NKAIN3: variants seen among roughly 807,000 people sequenced by gnomAD.
NKAIN3 encodes sodium/potassium transporting ATPase interacting 3, also known as sodium/potassium-transporting ATPase subunit beta-1-interacting protein 3.
A neutral mutation model predicts 30.2 loss-of-function variants in NKAIN3; 25 were observed. The ratio of observed to expected loss-of-function variants is 0.83; its 90% CI spans 0.60 to 1.16. The LOEUF is 1.16. NKAIN3 is among the 50% of genes most tolerant of loss of function. The pLI is 0.00. For synonymous variants in NKAIN3, 91 were observed against 89.6 expected (o/e 1.02, Z -0.09); for missense variants, 225 against 254.1 (o/e 0.89, Z 0.78).
chr8:62,578,125 T>C (rs1810174453), intron 1 of NKAIN3, among the ~76,000 whole-genome samples: 1 of 152,160 alleles, frequency 6.6e-6, no homozygotes. Context: ...AATACAAAAC[T>C]AGAAAAATGC....
At chr8:62,801,751 G>A (rs1482077259) in intron 4 of NKAIN3, among the ~76,000 whole-genome samples, 4 of 152,210 alleles carry the variant, frequency 2.6e-5, no homozygotes, top group Non-Finnish European at 5.9e-5. Flanking sequence ...CACCAGCAAT[G>A]GAACAAAGCT....
intron 3 of NKAIN3, among the ~76,000 whole-genome samples, chr8:62,742,429 C>A (rs1318746943): frequency 6.6e-6 from 1 of 152,028 alleles, no homozygotes; most frequent in Non-Finnish European, 1.5e-5. Context: ...TGCTTTTAGG[C>A]AAATAGGAAA....
chr8:62,620,416 A>G (rs1388166236), intron 3 of NKAIN3, among the ~76,000 whole-genome samples: 2 of 151,994 alleles, frequency 1.3e-5, no homozygotes, highest in Non-Finnish European at 1.5e-5. Context: ...CCAATATGCC[A>G]TATGCCATAT....
intron 4 of NKAIN3, among the ~76,000 whole-genome samples, chr8:62,883,616 AAT>A (rs1161905726): frequency 3.3e-5 from 5 of 151,896 alleles, no homozygotes; most frequent in Non-Finnish European, 7.4e-5. Context: ...TGGTAAGAGG[AAT>A]ATCCTTGCCT....
chr8:62,779,369 C>G (rs950517371), intron 4 of NKAIN3, among the ~76,000 whole-genome samples: 2 of 152,132 alleles, frequency 1.3e-5, no homozygotes, highest in Non-Finnish European at 2.9e-5. Flanking sequence ...CAAGGCTTGC[C>G]AGAACCTAAG....
At position 62,686,378 on chromosome 8, in the gene NKAIN3, T is replaced by C. The variant is rs77083353; in HGVS notation, c.274-60554T>C. On this transcript the variant is annotated intron_variant, in intron 3 of 6. Coordinates refer to ENST00000623646, the MANE Select transcript of NKAIN3 (RefSeq NM_001304533.3). ...CCTTATCTTTCACCCATTTTCCCAA[T>C]TTATTCTCTTGCATTTTTGGTGTCT... 5.2e-3 allele frequency among the ~76,000 whole-genome samples: 798 copies of C among 152,242 alleles called. 3 individuals carry two copies. The highest frequency in any genetic ancestry group is 0.018 in the African/African-American group (739 of 41,542).
intron 1 of NKAIN3, among the ~76,000 whole-genome samples, chr8:62,558,100 G>T (rs778935061): frequency 2.0e-4 from 31 of 152,210 alleles, no homozygotes; most frequent in Non-Finnish European, 3.7e-4. Context: ...TGAGAGAGGA[G>T]GATCCAGTTT....
intron 5 of NKAIN3, among the ~76,000 whole-genome samples, chr8:62,927,377 T>C (rs1822483138): frequency 6.6e-6 from 1 of 152,232 alleles, no homozygotes; most frequent in South Asian, 2.1e-4. Flanking sequence ...GAACAGCACA[T>C]ATTTTGCCAA....
intron 1 of NKAIN3, among the ~76,000 whole-genome samples, chr8:62,270,158 C>T (rs1004237765): frequency 6.6e-6 from 1 of 152,122 alleles, no homozygotes; most frequent in Non-Finnish European, 1.5e-5. Flanking sequence ...CAGCTCACTG[C>T]AGCCTCGAAC....
At chr8:62,397,217 A>C (rs1698314280) in intron 1 of NKAIN3, among the ~76,000 whole-genome samples, 1 of 152,156 alleles carries the variant, frequency 6.6e-6, no homozygotes. Flanking sequence ...TAGAGGAGAA[A>C]ATAAACTTTA....
intron 1 of NKAIN3, among the ~76,000 whole-genome samples, chr8:62,457,084 T>A (rs1412557445): frequency 6.6e-6 from 1 of 152,184 alleles, no homozygotes; most frequent in Non-Finnish European, 1.5e-5. Flanking sequence ...TAAGTAATAT[T>A]TATTGAATGA....
intron 3 of NKAIN3, among the ~76,000 whole-genome samples, chr8:62,742,099 A>G (rs779217506): frequency 3.4e-5 from 5 of 148,454 alleles, no homozygotes; most frequent in Non-Finnish European, 5.9e-5. Context: ...GAAACTTGAA[A>G]CAAGCAGAAT....
chr8:62,509,652 A>G (rs967785328), intron 1 of NKAIN3, among the ~76,000 whole-genome samples: 1 of 152,158 alleles, frequency 6.6e-6, no homozygotes, highest in African/African-American at 2.4e-5. Context: ...GCCATTTGCC[A>G]TAAAGCTATA....
At chr8:62,876,950 A>C (rs182661584) in intron 4 of NKAIN3, among the ~76,000 whole-genome samples, 7 of 152,240 alleles carry the variant, frequency 4.6e-5, no homozygotes, top group Non-Finnish European at 7.4e-5. Context: ...AAATAAAGAA[A>C]AAATTTTCAA....
intron 6 of NKAIN3, among the ~76,000 whole-genome samples, chr8:62,964,909 C>T (rs1421255779): frequency 3.3e-5 from 5 of 152,094 alleles, no homozygotes; most frequent in African/African-American, 1.2e-4. Flanking sequence ...GTAGCCATCA[C>T]AGGATGGGAT....
chr8:62,644,804 T>C (rs985029409), intron 3 of NKAIN3, among the ~76,000 whole-genome samples: 2 of 152,210 alleles, frequency 1.3e-5, no homozygotes, highest in South Asian at 4.1e-4. Flanking sequence ...TGCACAGTGT[T>C]AAGCACAAAA....
At chr8:62,899,198 G>A (rs2130834545) in intron 4 of NKAIN3, among the ~76,000 whole-genome samples, 1 of 152,300 alleles carries the variant, frequency 6.6e-6, no homozygotes, top group East Asian at 1.9e-4. Flanking sequence ...TGAAAAGAGA[G>A]CTTCCATACA....
chr8:62,836,812 A>C (rs1179016937), intron 4 of NKAIN3, among the ~76,000 whole-genome samples: 1 of 152,152 alleles, frequency 6.6e-6, no homozygotes, highest in Admixed American at 6.6e-5. Context: ...GATGATTAAG[A>C]AACAGGACTT....
intron 3 of NKAIN3, among the ~76,000 whole-genome samples, chr8:62,627,769 A>G (rs1044046642): frequency 3.9e-5 from 6 of 152,082 alleles, no homozygotes; most frequent in Non-Finnish European, 8.8e-5. Context: ...TGCTAGTTTC[A>G]TGGTGGTTTG....
Sources: gnomAD v4.1 joint callset for allele counts (sites outside exome capture counted in the v4.1 genomes callset) on GRCh38, gnomAD v4.1.1 for gene constraint, MANE v1.5 for transcripts, NCBI Gene and HGNC (gene_info 2026-07-23, HGNC 2026-07-21) for gene names.